Variants in ADCY9 observed in about 807,000 individuals in gnomAD.
The protein encoded by ADCY9 is adenylate cyclase type 9.
Under a neutral mutation model 101.5 loss-of-function variants are expected in ADCY9, and 50 were observed. The ratio of observed to expected loss-of-function variants is 0.49; its 90% CI spans 0.39 to 0.62. The LOEUF (loss-of-function observed/expected upper bound fraction) is 0.62, where lower values mean the gene tolerates loss of function less well. ADCY9 is among the 20% of genes least tolerant of loss of function. The pLI, the probability that ADCY9 is intolerant of heterozygous loss-of-function variation, is 0.00. For synonymous variants in ADCY9, 905 were observed against 769.3 expected (o/e 1.18, Z -2.92); for missense variants, 1,662 against 1,800.4 (o/e 0.92, Z 1.39).
chr16:4,017,867 G>A (rs1272458721), intron 2 of ADCY9, among the ~76,000 whole-genome samples: 4 of 152,094 alleles, frequency 2.6e-5, no homozygotes, highest in South Asian at 4.1e-4. Context: ...ACCTAAAAAC[G>A]CCGGGCCGAC....
At chr16:4,080,243 T>C (rs1007738088) in intron 2 of ADCY9, among the ~76,000 whole-genome samples, 1 of 152,042 alleles carries the variant, frequency 6.6e-6, no homozygotes, top group Non-Finnish European at 1.5e-5. Context: ...AGGTAATTTT[T>C]CTTTTCTTTA....
At chr16:4,081,304 G>A (rs1363866854) in intron 2 of ADCY9, among the ~76,000 whole-genome samples, 1 of 152,194 alleles carries the variant, frequency 6.6e-6, no homozygotes, top group East Asian at 1.9e-4. Context: ...AGATCATGAA[G>A]CCATCTCCAC....
At position 4,114,079 on chromosome 16, in the gene ADCY9, C is replaced by A; in HGVS notation, c.1364G>T (p.Arg455Leu). 6.2e-7 allele frequency: 1 copy of A among 1,613,806 alleles called. No homozygotes were observed. The highest frequency in any genetic ancestry group is 1.3e-5 in the African/African-American group (1 of 75,040). ...YYCVAGCPEP[R>L]ADHAYCCIEM... ...GATGCAGCAGTAGGCATGGTCGGCC[C>A]GGGGCTCGGGACAGCCCGCCACGCA... The change falls in exon 2 of 11, where the codon CGG becomes CTG. Residue 455 changes from arginine to leucine, a missense_variant. Physicochemically the swap from Arg to Leu is moderately radical, Grantham distance 102 (BLOSUM62 -2). This residue lies in a region of ADCY9 where 228 missense variants were observed against 301.1 expected (regional missense o/e 0.76). Coordinates refer to ENST00000294016, the MANE Select transcript of ADCY9 (RefSeq NM_001116.4). The surrounding 1 kb of genome is among the most constrained non-coding windows in gnomAD (Gnocchi z 4.3).
rs143315584 is a variant in ADCY9, at chr16:4,034,109, A to T, written c.1694-26551T>A. 4.2e-3 allele frequency among the ~76,000 whole-genome samples: 642 copies of T among 152,250 alleles called. 4 individuals carry two copies. The highest frequency in any genetic ancestry group is 0.014 in the African/African-American group (568 of 41,538). ...CCAACAAGGTGAGCCTGCAGATCAGAGACCACGTGCATGAGCCACAGTGCA... is the reference window on the plus strand; with the variant it reads ...CCAACAAGGTGAGCCTGCAGATCAGTGACCACGTGCATGAGCCACAGTGCA... On this transcript the variant is annotated intron_variant, in intron 2 of 10. Coordinates refer to ENST00000294016, the MANE Select transcript of ADCY9 (RefSeq NM_001116.4).
intron 2 of ADCY9, among the ~76,000 whole-genome samples, chr16:4,071,649 T>C (rs2141169933): frequency 6.6e-6 from 1 of 152,124 alleles, no homozygotes; most frequent in African/African-American, 2.4e-5. Flanking sequence ...TGTTTGTGAG[T>C]TTTTATTATC....
At chr16:4,026,857 G>T (rs1029498521) in intron 2 of ADCY9, among the ~76,000 whole-genome samples, 2 of 152,154 alleles carry the variant, frequency 1.3e-5, no homozygotes, top group African/African-American at 4.8e-5. Context: ...ACTTAAGGCC[G>T]ATTCACCCTG....
chr16:4,018,038 A>T (rs115592035), intron 2 of ADCY9, among the ~76,000 whole-genome samples: 1 of 152,200 alleles, frequency 6.6e-6, no homozygotes, highest in Non-Finnish European at 1.5e-5. Context: ...CTTTTCATCC[A>T]GGAGGAGATT....
rs1260567768 is a variant in ADCY9, at chr16:3,966,672, G to A, written c.3165C>T (p.Asp1055=). 6.2e-7 allele frequency: 1 copy of A among 1,614,028 alleles called. No homozygotes were observed. Among genetic ancestry groups the A allele is most frequent in the Non-Finnish European group, 8.5e-7 (1 of 1,180,048 alleles). The part of the protein sequence containing the change: ...KVSQTYSKNH[D]SGGVIFASIV... ...TGCTGGCGAAGATCACCCCTCCGCT[G>A]TCATGGTTCTTGGAGTAGGTCTGGG... The change falls in exon 11 of 11, where the codon GAC becomes GAT. Residue 1055 remains aspartate (D), a synonymous_variant. Coordinates refer to ENST00000294016, the MANE Select transcript of ADCY9 (RefSeq NM_001116.4).
chr16:4,078,220 G>A (rs1026971458), intron 2 of ADCY9, among the ~76,000 whole-genome samples: 2 of 152,164 alleles, frequency 1.3e-5, no homozygotes, highest in African/African-American at 4.8e-5. Flanking sequence ...GCCAAGAACT[G>A]CAAGCAACTC....
chr16:4,037,901 C>T (rs926393437), intron 2 of ADCY9, among the ~76,000 whole-genome samples: 7 of 152,184 alleles, frequency 4.6e-5, no homozygotes, highest in African/African-American at 1.7e-4. Flanking sequence ...GGCTTTGACT[C>T]ATTTTTGAAA....
intron 2 of ADCY9, among the ~76,000 whole-genome samples, chr16:4,051,817 CT>C (rs2056703836): frequency 6.6e-6 from 1 of 152,134 alleles, no homozygotes; most frequent in Non-Finnish European, 1.5e-5. Flanking sequence ...TTTGGCAATG[CT>C]CATACTAATT....
rs55792938 is a variant in ADCY9, at chr16:3,956,503, T to TTTTTTTTTTTTTG, written c.568-2988_568-2987insCAAAAAAAAAAAA. Among the ~76,000 whole-genome samples the TTTTTTTTTTTTTG allele has an allele frequency of 6.1e-3, 424 of 69,476 alleles. 32 individuals are homozygous for TTTTTTTTTTTTTG. Among genetic ancestry groups the TTTTTTTTTTTTTG allele is most frequent in the African/African-American group, 0.015 (363 of 24,706 alleles). The allele number at this position is 69,476 out of a possible 152,430, so 45.6% of individuals were successfully genotyped here. A position where few individuals can be genotyped will look rare whatever the true frequency, so the allele number is the denominator to read the frequency against. ...GCGCAATGAGCTTTTTTTTTTTTTT[T>TTTTTTTTTTTTTG]GGGGGGGGATGGAGTCTCCCTCTGT... On this transcript the variant is annotated intron_variant, in intron 5 of 5. Coordinates refer to the ADCY9 transcript ENST00000576936.
At chr16:3,983,553 A>C in intron 6 of ADCY9, 113 bp from the exon 7 acceptor site, 1 of 897,594 alleles carries the variant, frequency 1.1e-6, no homozygotes, top group Non-Finnish European at 1.8e-6. Flanking sequence ...TGGGCCAGGC[A>C]CAGGGCAGGA....
intron 2 of ADCY9, among the ~76,000 whole-genome samples, chr16:4,034,109 A>C (rs143315584): frequency 6.6e-6 from 1 of 152,132 alleles, no homozygotes; most frequent in Non-Finnish European, 1.5e-5. Context: ...TGCAGATCAG[A>C]GACCACGTGC....
intron 8 of ADCY9, among the ~76,000 whole-genome samples, chr16:3,978,644 GC>G (rs1195545904): frequency 6.6e-6 from 1 of 152,278 alleles, no homozygotes; most frequent in Non-Finnish European, 1.5e-5. Context: ...GCAGGCCAAT[GC>G]TAAGTCGGCT....
intron 2 of ADCY9, among the ~76,000 whole-genome samples, chr16:4,030,739 T>C (rs2056550026): frequency 6.6e-6 from 1 of 151,740 alleles, no homozygotes; most frequent in African/African-American, 2.4e-5. Flanking sequence ...CAGGTTCCAT[T>C]TGTACGAAAT....
At chr16:3,982,741 G>C (rs1026893995) in intron 7 of ADCY9, 1 of 158,508 alleles carries the variant, frequency 6.3e-6, no homozygotes, top group Non-Finnish European at 1.4e-5. Flanking sequence ...TCTTTGTAGC[G>C]CAACAGCTTA....
intron 3 of ADCY9, among the ~76,000 whole-genome samples, chr16:4,003,838 T>C (rs2056349053): frequency 6.6e-6 from 1 of 152,112 alleles, no homozygotes; most frequent in Non-Finnish European, 1.5e-5. Flanking sequence ...AGTGGCGTCC[T>C]CATGTCTAAT....
At chr16:4,074,378 T>C (rs1217851933) in intron 2 of ADCY9, among the ~76,000 whole-genome samples, 1 of 151,594 alleles carries the variant, frequency 6.6e-6, no homozygotes, top group Non-Finnish European at 1.5e-5. Flanking sequence ...AATAAATCGA[T>C]AGAAGAGATA....
Sources: allele counts gnomAD v4.1 joint callset (sites outside exome capture counted in the v4.1 genomes callset), GRCh38; gene constraint gnomAD v4.1.1; regional missense constraint gnomAD v4.1.1; non-coding constraint Gnocchi (gnomAD v3.1); transcripts MANE v1.5; gene names NCBI Gene and HGNC (gene_info 2026-07-23, HGNC 2026-07-21).